Variants in STX8 observed in about 807,000 individuals in gnomAD.
STX8 encodes the protein syntaxin-8.
A neutral mutation model predicts 37.5 loss-of-function variants in STX8; 23 were observed. The observed-to-expected ratio is 0.61, with a 90% CI of 0.44 to 0.87. STX8 has a LOEUF of 0.87. Among genes scored for constraint, STX8 ranks in the 40% least tolerant of loss-of-function variants. The probability of loss-of-function intolerance (pLI) is 0.00; values close to 1 mark genes in which losing one functional copy is unlikely to be tolerated. For missense variants in STX8, 313 were observed against 284.7 expected (o/e 1.10, Z -0.71); for synonymous variants, 115 against 99.1 (o/e 1.16, Z -0.95).
At chr17:9,321,139 A>G (rs1909563130) in intron 7 of STX8, among the ~76,000 whole-genome samples, 1 of 152,208 alleles carries the variant, frequency 6.6e-6, no homozygotes, top group Non-Finnish European at 1.5e-5. Flanking sequence ...ACACAGAGGA[A>G]TAAAAATAAC....
chr17:9,491,742 G>T, intron 6 of STX8, 87 bp downstream of exon 6: 4 of 1,153,494 alleles, frequency 3.5e-6, no homozygotes, highest in Non-Finnish European at 5.1e-6. Flanking sequence ...TTTACATGTT[G>T]TATAATCTTA....
At chr17:9,360,649 ATATT>A (rs893960091) in intron 7 of STX8, among the ~76,000 whole-genome samples, 4 of 145,556 alleles carry the variant, frequency 2.7e-5, no homozygotes, top group African/African-American at 7.7e-5. Context: ...AAGAAAAAAA[ATATT>A]TATTAGTGTT....
chr17:9,368,642 G>T (rs1002015764), intron 7 of STX8, among the ~76,000 whole-genome samples: 1 of 152,054 alleles, frequency 6.6e-6, no homozygotes, highest in Non-Finnish European at 1.5e-5. Flanking sequence ...GCACATGCAG[G>T]TCTCTCTCCT....
intron 5 of STX8, among the ~76,000 whole-genome samples, chr17:9,501,790 G>T (rs888821692): frequency 6.6e-6 from 1 of 151,886 alleles, no homozygotes; most frequent in Admixed American, 6.6e-5. Context: ...TGGCTAACAC[G>T]GTGAAACCCC....
chr17:9,268,659 G>C (rs1005423413), intron 7 of STX8, among the ~76,000 whole-genome samples: 38 of 152,198 alleles, frequency 2.5e-4, no homozygotes, highest in Non-Finnish European at 1.3e-4. Flanking sequence ...TTGGCTGTTA[G>C]TGTGGCAGCA....
rs1238045390 is a variant in STX8, at chr17:9,438,727, G to A, written c.541+53102C>T. Among the ~76,000 whole-genome samples, 64 of 151,966 alleles carry A rather than the reference G, an allele frequency of 4.2e-4. 1 individual carries two copies. Among genetic ancestry groups the A allele is most frequent in the African/African-American group, 1.4e-3 (58 of 41,328 alleles). On this transcript the variant is annotated intron_variant, in intron 6 of 7. Coordinates refer to ENST00000306357, the MANE Select transcript of STX8 (RefSeq NM_004853.3). Reference sequence around the variant, plus strand: ...GTGGATCACAAGGTCAGGAGATCGAGACCATCCTGGCTAACACGGTGAAAC... The same window carrying A: ...GTGGATCACAAGGTCAGGAGATCGAAACCATCCTGGCTAACACGGTGAAAC...
At chr17:9,543,299 G>GTT (rs111248274) in intron 4 of STX8, among the ~76,000 whole-genome samples, 323 of 91,896 alleles carry the variant, frequency 3.5e-3, no homozygotes, top group Admixed American at 6.1e-3. Context: ...ACAGTTTTTT[G>GTT]GTTTTTTTTT....
chr17:9,305,898 C>G (rs1293629605), intron 7 of STX8, among the ~76,000 whole-genome samples: 1 of 151,806 alleles, frequency 6.6e-6, no homozygotes, highest in African/African-American at 2.4e-5. Context: ...ATGCGCACCA[C>G]CATTCCCGGC....
chr17:9,336,728 C>T (rs922995810), intron 7 of STX8, among the ~76,000 whole-genome samples: 1 of 152,134 alleles, frequency 6.6e-6, no homozygotes, highest in Non-Finnish European at 1.5e-5. Flanking sequence ...GCCACCGTGC[C>T]CAGCCTACTT....
intron 4 of STX8, among the ~76,000 whole-genome samples, chr17:9,529,648 A>C (rs574767237): frequency 3.3e-5 from 5 of 152,324 alleles, no homozygotes; most frequent in Non-Finnish European, 5.9e-5. Flanking sequence ...GTGGCATCAT[A>C]TAGCATGAAC....
chr17:9,353,756 T>C (rs1910788608), intron 7 of STX8, among the ~76,000 whole-genome samples: 7 of 152,214 alleles, frequency 4.6e-5, no homozygotes, highest in Admixed American at 4.6e-4. Context: ...GTCACTTACA[T>C]TCTTCTTTAC....
intron 4 of STX8, among the ~76,000 whole-genome samples, chr17:9,534,659 G>C (rs533976304): frequency 6.6e-6 from 1 of 151,984 alleles, no homozygotes; most frequent in African/African-American, 2.4e-5. Flanking sequence ...ATGGTGGTGC[G>C]CACCTGTAAT....
In STX8 at chr17:9,507,237, C is replaced by T. The variant is rs139594815; in HGVS notation, c.324-2075G>A. 1.6e-3 allele frequency among the ~76,000 whole-genome samples: 247 copies of T among 151,410 alleles called. 1 individual carries two copies. The highest frequency in any genetic ancestry group is 5.8e-3 in the African/African-American group (241 of 41,214). ...CAAAGGCCCCACACCTCAATCAGGG[C>T]CTGAGAAACAACCCTGCAGGCTGCC... On this transcript the variant is annotated intron_variant, in intron 4 of 7. Transcript: ENST00000306357. The surrounding 1 kb of genome is among the most constrained non-coding windows in gnomAD (Gnocchi z 4.0).
intron 4 of STX8, among the ~76,000 whole-genome samples, chr17:9,509,966 C>G (rs1474035724): frequency 6.6e-6 from 1 of 151,902 alleles, no homozygotes; most frequent in Non-Finnish European, 1.5e-5. Context: ...AAACCAAAAG[C>G]AAGCAGGAGT....
intron 6 of STX8, among the ~76,000 whole-genome samples, chr17:9,409,561 T>G (rs1188394793): frequency 6.6e-6 from 1 of 152,194 alleles, no homozygotes; most frequent in Non-Finnish European, 1.5e-5. Context: ...AGGGAGAGTT[T>G]AAAACTGCCT....
At chr17:9,441,309 A>G (rs1020595981) in intron 6 of STX8, among the ~76,000 whole-genome samples, 24 of 151,710 alleles carry the variant, frequency 1.6e-4, no homozygotes, top group South Asian at 1.0e-3. Context: ...GGCCAACATG[A>G]TGAAACCCTG....
At chr17:9,279,453 T>C (rs1907801989) in intron 7 of STX8, among the ~76,000 whole-genome samples, 1 of 152,168 alleles carries the variant, frequency 6.6e-6, no homozygotes, top group Non-Finnish European at 1.5e-5. Context: ...GTTTCAGAGC[T>C]TTTCAGTGTT....
At chr17:9,432,092 T>A (rs1914005853) in intron 6 of STX8, among the ~76,000 whole-genome samples, 1 of 152,196 alleles carries the variant, frequency 6.6e-6, no homozygotes, top group African/African-American at 2.4e-5. Context: ...ATTCTAATGC[T>A]CGTTCTTGAA....
At chr17:9,384,946 C>CA (rs534621496) in intron 6 of STX8, among the ~76,000 whole-genome samples, 2,675 of 73,950 alleles carry the variant, frequency 0.036, 68 homozygotes, top group African/African-American at 0.11. Context: ...CTCTCCATAC[C>CA]AAAAAAAAAA....
Sources: gnomAD v4.1 joint callset for allele counts (sites outside exome capture counted in the v4.1 genomes callset) on GRCh38, gnomAD v4.1.1 for gene constraint, Gnocchi (gnomAD v3.1) non-coding constraint, MANE v1.5 for transcripts, NCBI Gene and HGNC (gene_info 2026-07-23, HGNC 2026-07-21) for gene names.